Variants in AKT3 observed in about 807,000 individuals in gnomAD.
AKT3 encodes AKT serine/threonine kinase 3.
In AKT3, 15 loss-of-function variants were observed where a neutral mutation model predicts 65.3. The ratio of observed to expected loss-of-function variants is 0.23; its 90% CI spans 0.15 to 0.35. The LOEUF (loss-of-function observed/expected upper bound fraction) is 0.35. Ranked by LOEUF, AKT3 falls within the 10% of genes least tolerant of loss-of-function variation. The pLI is 1.00. For synonymous variants in AKT3, 206 were observed against 183.8 expected (o/e 1.12, Z -0.98); for missense variants, 243 against 576.5 (o/e 0.42, Z 5.92).
At chr1:243,678,992 G>C (rs564264613) in intron 3 of AKT3, among the ~76,000 whole-genome samples, 3 of 152,100 alleles carry the variant, frequency 2.0e-5, no homozygotes, top group African/African-American at 7.2e-5. Context: ...ACCCGAGACA[G>C]AAAGACTAAC....
intron 1 of AKT3, among the ~76,000 whole-genome samples, chr1:243,849,730 C>G (rs900464177): frequency 1.3e-5 from 2 of 151,620 alleles, no homozygotes; most frequent in Admixed American, 1.3e-4. Context: ...CAGACGGTAC[C>G]GCTAGGCCGG....
chr1:243,575,407 A>C (rs918304066), intron 8 of AKT3, among the ~76,000 whole-genome samples: 3 of 152,222 alleles, frequency 2.0e-5, no homozygotes, highest in East Asian at 1.9e-4. Context: ...TTATGATTCC[A>C]AGCATTGAGT....
intron 2 of AKT3, among the ~76,000 whole-genome samples, chr1:243,819,856 C>A (rs527803817): frequency 5.3e-5 from 8 of 152,306 alleles, no homozygotes; most frequent in African/African-American, 1.9e-4. Context: ...GGGAGGGATC[C>A]AAACGCACAG....
At chr1:243,747,538 C>A (rs1382606729) in intron 2 of AKT3, among the ~76,000 whole-genome samples, 2 of 152,152 alleles carry the variant, frequency 1.3e-5, no homozygotes, top group African/African-American at 2.4e-5. Flanking sequence ...CCCAGTACAG[C>A]CCAGTAAATG....
At position 243,526,778 on chromosome 1, in the gene AKT3, T is replaced by TAAAAAAAAAAAAA. The variant is rs1671117704; in HGVS notation, c.1252-14353_1252-14352insTTTTTTTTTTTTT. Among the ~76,000 whole-genome samples the TAAAAAAAAAAAAA allele has an allele frequency of 6.3e-4, 35 of 55,726 alleles. 11 individuals carry two copies. Among genetic ancestry groups the TAAAAAAAAAAAAA allele is most frequent in the African/African-American group, 1.5e-3 (25 of 16,498 alleles). The allele number at this position is 55,726 out of a possible 152,430, so 36.6% of individuals were successfully genotyped here. A position where few individuals can be genotyped will look rare whatever the true frequency, so the allele number is the denominator to read the frequency against. ...TTGCCAGCTGCACTACAAAAAATGG[T>TAAAAAAAAAAAAA]TAAAAAAAAAAAAAAAAAAAAAAAA... On this transcript the variant is annotated intron_variant, in intron 12 of 13. Coordinates refer to ENST00000673466, the MANE Select transcript of AKT3 (RefSeq NM_005465.7).
chr1:243,802,970 A>G (rs1329164194), intron 2 of AKT3, among the ~76,000 whole-genome samples: 1 of 152,080 alleles, frequency 6.6e-6, no homozygotes, highest in Non-Finnish European at 1.5e-5. Flanking sequence ...GCAACACAGC[A>G]AGACCCCATC....
At chr1:243,722,519 A>C (rs1686973969) in intron 2 of AKT3, among the ~76,000 whole-genome samples, 2 of 152,164 alleles carry the variant, frequency 1.3e-5, no homozygotes, top group Admixed American at 1.3e-4. Context: ...CATTTCTAGT[A>C]ATCATCACAC....
chr1:243,524,186 G>A (rs1033148364), intron 12 of AKT3, among the ~76,000 whole-genome samples: 1 of 152,218 alleles, frequency 6.6e-6, no homozygotes. Context: ...AACCACTGTG[G>A]TATATGCGGT....
intron 2 of AKT3, among the ~76,000 whole-genome samples, chr1:243,715,200 C>T (rs1686428170): frequency 6.6e-6 from 1 of 152,026 alleles, no homozygotes; most frequent in Non-Finnish European, 1.5e-5. Context: ...GGCATAATTA[C>T]ATTAAGAAGG....
chr1:243,727,481 A>G (rs889805551), intron 2 of AKT3, among the ~76,000 whole-genome samples: 1 of 151,964 alleles, frequency 6.6e-6, no homozygotes, highest in Non-Finnish European at 1.5e-5. Context: ...GGGTCTTGCT[A>G]TGTTGCCCAG....
intron 2 of AKT3, among the ~76,000 whole-genome samples, chr1:243,816,409 T>A (rs1171172253): frequency 6.6e-6 from 1 of 152,130 alleles, no homozygotes; most frequent in Non-Finnish European, 1.5e-5. Context: ...TTCCACTAGA[T>A]CCCTAAACCA....
intron 3 of AKT3, among the ~76,000 whole-genome samples, chr1:243,675,934 T>A (rs1683479563): frequency 8.5e-5 from 13 of 152,182 alleles, no homozygotes; most frequent in Admixed American, 8.5e-4. Context: ...ATAGTAAATC[T>A]AGACATTAAT....
intron 11 of AKT3, among the ~76,000 whole-genome samples, chr1:243,552,288 C>CAAAAAAAAAAAAAAA (rs33995513): frequency 2.0e-5 from 1 of 50,170 alleles, no homozygotes; most frequent in African/African-American, 1.0e-4. Flanking sequence ...GACTCTGTCT[C>CAAAAAAAAAAAAAAA]AAAAAAAAAA....
chr1:243,589,448 A>G (rs1227873152), intron 8 of AKT3, among the ~76,000 whole-genome samples: 4 of 152,196 alleles, frequency 2.6e-5, no homozygotes, highest in Non-Finnish European at 5.9e-5. Flanking sequence ...ATAGATCACT[A>G]GTCAACAGAG....
intron 9 of AKT3, among the ~76,000 whole-genome samples, chr1:243,571,524 A>C (rs1009022428): frequency 6.6e-6 from 1 of 152,180 alleles, no homozygotes; most frequent in Non-Finnish European, 1.5e-5. Context: ...CTTAAATCTA[A>C]GCCTCCATGC....
chr1:243,783,425 A>G (rs891943026), intron 2 of AKT3, among the ~76,000 whole-genome samples: 5 of 152,220 alleles, frequency 3.3e-5, no homozygotes, highest in Non-Finnish European at 7.3e-5. Flanking sequence ...TCCACAGGAC[A>G]GAAGCTTCTG....
chr1:243,672,607 C>T (rs1683229439), intron 3 of AKT3, among the ~76,000 whole-genome samples: 1 of 152,166 alleles, frequency 6.6e-6, no homozygotes, highest in Non-Finnish European at 1.5e-5. Flanking sequence ...ATCCACATTC[C>T]AAATTGTGAC....
In AKT3 at chr1:243,501,359, A is replaced by G. The variant is rs1669283823; in HGVS notation, c.*3890T>C. On this transcript the variant is annotated 3_prime_UTR_variant, in exon 14 of 14. Coordinates refer to ENST00000673466, the MANE Select transcript of AKT3 (RefSeq NM_005465.7). The stretch of plus-strand genomic sequence containing the variant: ...AAGGAAATATGCAGAGCAGTACATT[A>G]TCAGGAAGACGTTAATGAAAAGCTA... 8.6e-6 allele frequency: 2 copies of G among 233,134 alleles called. No individual in the cohort carries two copies. The highest frequency in any genetic ancestry group is 6.0e-5 in the East Asian group (1 of 16,594). 14.4% of individuals were successfully genotyped at this position (233,134 alleles called of 1,614,324 possible). A position where few individuals can be genotyped will look rare whatever the true frequency, so the allele number is the denominator to read the frequency against.
intron 2 of AKT3, among the ~76,000 whole-genome samples, chr1:243,766,156 T>C (rs900430685): frequency 6.6e-6 from 1 of 152,130 alleles, no homozygotes; most frequent in South Asian, 2.1e-4. Flanking sequence ...ATCAGTCTGG[T>C]AGCAAATAGA....
Sources: gnomAD v4.1 joint callset for allele counts (sites outside exome capture counted in the v4.1 genomes callset) on GRCh38, gnomAD v4.1.1 for gene constraint, MANE v1.5 for transcripts, NCBI Gene and HGNC (gene_info 2026-07-23, HGNC 2026-07-21) for gene names.